Variants in SPHKAP observed in about 807,000 individuals in gnomAD.
SPHKAP encodes SPHK1 interactor, AKAP domain containing.
In SPHKAP, 67 loss-of-function variants were observed where a neutral mutation model predicts 137.5. That is an observed-to-expected ratio of 0.49 (90% CI 0.40 to 0.60). SPHKAP has a LOEUF of 0.60. Ranked by LOEUF, SPHKAP falls within the 20% of genes least tolerant of loss-of-function variation. The probability of loss-of-function intolerance (pLI) is 0.00; values close to 1 mark genes in which losing one functional copy is unlikely to be tolerated. For synonymous variants in SPHKAP, 813 were observed against 785.3 expected (o/e 1.04, Z -0.59); for missense variants, 2,097 against 2,069.3 (o/e 1.01, Z -0.26).
chr2:228,022,957 T>C (rs6736430), intron 5 of SPHKAP, among the ~76,000 whole-genome samples: 58,094 of 151,968 alleles, frequency 0.38, 11,543 homozygotes, highest in South Asian at 0.51. Flanking sequence ...TGAAATTAAA[T>C]GAAATCCATA....
chr2:228,009,109 C>T (rs1197939999), intron 7 of SPHKAP, among the ~76,000 whole-genome samples: 1 of 152,112 alleles, frequency 6.6e-6, no homozygotes, highest in Non-Finnish European at 1.5e-5. Context: ...TAACGAATAG[C>T]CTTTATTTTT....
chr2:228,138,584 T>A (rs574300836), intron 1 of SPHKAP, among the ~76,000 whole-genome samples: 2 of 152,192 alleles, frequency 1.3e-5, no homozygotes, highest in African/African-American at 4.8e-5. Context: ...TGTAGGATTT[T>A]AGAAAATGTG....
intron 3 of SPHKAP, among the ~76,000 whole-genome samples, chr2:228,102,181 T>G (rs1698199144): frequency 6.6e-6 from 1 of 152,246 alleles, no homozygotes; most frequent in Admixed American, 6.5e-5. Context: ...TTTTTTCATA[T>G]TGTAGTACAG....
chr2:228,024,587 A>G (rs1574764272), intron 5 of SPHKAP, among the ~76,000 whole-genome samples: 1 of 152,062 alleles, frequency 6.6e-6, no homozygotes, highest in East Asian at 1.9e-4. Flanking sequence ...AAATTTGGAG[A>G]CTTTTGGGCT....
intron 4 of SPHKAP, chr2:228,025,868 A>AT (rs1348337510): frequency 4.1e-6 from 4 of 984,772 alleles, no homozygotes; most frequent in African/African-American, 1.7e-5. Flanking sequence ...TGCATAAAAC[A>AT]TTTTTTGTTT....
Position 228,020,162 on chromosome 2 carries a change from G to A in SPHKAP, c.698-6C>T, listed in dbSNP as rs1456029646. ...GACATTTATATTTTCATAATCTAGT[G>A]AGGAGAAAATGAGGGGCACTATTAC... On this transcript the variant is annotated splice_region_variant and splice_polypyrimidine_tract_variant and intron_variant, in intron 6 of 11. Transcript: ENST00000392056. 1 of 1,578,228 alleles carries A rather than the reference G, an allele frequency of 6.3e-7. No homozygotes were observed. The highest frequency in any genetic ancestry group is 8.6e-7 in the Non-Finnish European group (1 of 1,166,444).
chr2:228,021,843 G>A lies in SPHKAP; in HGVS notation c.565C>T (p.Gln189Ter). 3 of 1,614,148 alleles carry A rather than the reference G, an allele frequency of 1.9e-6. No homozygotes were observed. Among genetic ancestry groups the A allele is most frequent in the Non-Finnish European group, 1.7e-6 (2 of 1,180,010 alleles). ...LIGLELVQERQLHLETNILKL... is the reference protein window; with the variant it reads ...LIGLELVQER ...AAGATGTTTGTTTCCAGGTGGAGCT[G>A]TCGCTCCTGCACCAGTTCCAGACCA... The change falls in exon 6 of 12, where the codon CAG becomes TAG. Residue 189 changes from glutamine to a stop codon, truncating the protein, a stop_gained. Coordinates refer to ENST00000392056, the MANE Select transcript of SPHKAP (RefSeq NM_001142644.2). LOFTEE classifies it high-confidence loss of function.
chr2:228,078,255 C>A (rs557026777), intron 3 of SPHKAP, among the ~76,000 whole-genome samples: 7 of 152,158 alleles, frequency 4.6e-5, no homozygotes, highest in African/African-American at 9.7e-5. Context: ...GCAAAAAGGA[C>A]CTGAGAGATT....
chr2:227,981,022 A>T lies in SPHKAP; in HGVS notation c.*695T>A, dbSNP rs923930273. ...CAAGTAATACAGTGATGGAAACAAG[A>T]CAATCTTTTATCTTCCTCTTCTTCA... On this transcript the variant is annotated 3_prime_UTR_variant, in exon 12 of 12. Transcript: ENST00000392056. 3 of 129,190 alleles carry T rather than the reference A, an allele frequency of 2.3e-5. No individual in the cohort carries two copies. The highest frequency in any genetic ancestry group is 5.2e-5 in the Non-Finnish European group (3 of 58,170). 8.0% of individuals were successfully genotyped at this position (129,190 alleles called of 1,614,324 possible). A position where few individuals can be genotyped will look rare whatever the true frequency, so the allele number is the denominator to read the frequency against.
At position 228,017,730 on chromosome 2, in the gene SPHKAP, C is replaced by T; in HGVS notation, c.3124G>A (p.Val1042Met). The change falls in exon 7 of 12, where the codon GTG becomes ATG. Residue 1042 changes from valine (V) to methionine (M), a missense_variant. Coordinates refer to ENST00000392056, the MANE Select transcript of SPHKAP (RefSeq NM_001142644.2). ...PDSVNLFANEVAAKIMNLTEF... is the reference protein window; with the variant it reads ...PDSVNLFANEMAAKIMNLTEF... Reference sequence around the variant, plus strand: ...GTTAGGTTCATGATCTTGGCTGCCACTTCATTGGCAAAAAGATTGACAGAA... The same window carrying T: ...GTTAGGTTCATGATCTTGGCTGCCATTTCATTGGCAAAAAGATTGACAGAA... The T allele has an allele frequency of 6.2e-7, 1 of 1,614,106 alleles. No homozygotes were observed. Among genetic ancestry groups the T allele is most frequent in the Non-Finnish European group, 8.5e-7 (1 of 1,180,024 alleles).
intron 1 of SPHKAP, among the ~76,000 whole-genome samples, chr2:228,162,232 G>A (rs926420451): frequency 6.6e-6 from 1 of 152,160 alleles, no homozygotes; most frequent in Non-Finnish European, 1.5e-5. Flanking sequence ...GAAACAGGTT[G>A]ATCTCCAGAA....
chr2:228,043,731 G>A (rs2396523), intron 3 of SPHKAP, among the ~76,000 whole-genome samples: 151,343 of 152,372 alleles, frequency 0.99, 75,163 homozygotes, highest in East Asian at 1. Context: ...GTAAGAAAAA[G>A]TGCCACAGAC....
At chr2:228,030,566 T>G (rs1420148862) in intron 3 of SPHKAP, among the ~76,000 whole-genome samples, 1 of 132,806 alleles carries the variant, frequency 7.5e-6, no homozygotes, top group African/African-American at 2.8e-5. Flanking sequence ...ATAAAAAAAT[T>G]AAAATATTCT....
chr2:228,020,222 A>G (rs776171376), intron 6 of SPHKAP, 66 bp from the exon 7 acceptor site: 1 of 1,511,848 alleles, frequency 6.6e-7, no homozygotes, highest in African/African-American at 1.4e-5. Flanking sequence ...GTCTTAAGTA[A>G]TAATTACTTT....
chr2:228,158,375 T>C (rs1385479397), intron 1 of SPHKAP, among the ~76,000 whole-genome samples: 7 of 146,818 alleles, frequency 4.8e-5, no homozygotes, highest in African/African-American at 1.8e-4. Flanking sequence ...CCCCTTACAA[T>C]AGTGCCAAGA....
intron 3 of SPHKAP, among the ~76,000 whole-genome samples, chr2:228,028,948 T>TAG (rs1553614765): frequency 1.3e-5 from 2 of 151,946 alleles, no homozygotes; most frequent in African/African-American, 4.8e-5. Context: ...TTTTGAAAGA[T>TAG]AAAAAGACTT....
In SPHKAP at chr2:228,016,777, C is replaced by A; in HGVS notation, c.4077G>T (p.Gly1359=). The A allele has an allele frequency of 1.9e-6, 3 of 1,613,976 alleles. No individual in the cohort carries two copies. Among genetic ancestry groups the A allele is most frequent in the Non-Finnish European group, 2.5e-6 (3 of 1,179,970 alleles). ...NRLAASRMCS[G]PTLLVQESLD... ...GAGACTCCTGAACAAGCAGAGTTGG[C>A]CCACTGCACATCCTGCTCGCAGCTA... The change falls in exon 7 of 12, where the codon GGG becomes GGT. Residue 1359 remains glycine (G), a synonymous_variant. Transcript: ENST00000392056.
intron 2 of SPHKAP, among the ~76,000 whole-genome samples, chr2:228,116,727 A>G (rs189348499): frequency 1.0e-3 from 157 of 152,250 alleles, no homozygotes; most frequent in African/African-American, 3.6e-3. Context: ...CTAGCATTCA[A>G]GACAGAACAG....
chr2:228,000,018 A>T (rs948362318), intron 7 of SPHKAP, among the ~76,000 whole-genome samples: 4 of 152,238 alleles, frequency 2.6e-5, no homozygotes, highest in African/African-American at 9.6e-5. Context: ...ATAATGACTA[A>T]TATCATACAG....
Sources: gnomAD v4.1 joint callset for allele counts (sites outside exome capture counted in the v4.1 genomes callset) on GRCh38, gnomAD v4.1.1 for gene constraint, MANE v1.5 for transcripts, NCBI Gene and HGNC (gene_info 2026-07-23, HGNC 2026-07-21) for gene names.